MAML2: variants seen among roughly 807,000 people sequenced by gnomAD.
The protein encoded by MAML2 is mastermind like transcriptional coactivator 2.
Under a neutral mutation model 96.1 loss-of-function variants are expected in MAML2, and 22 were observed. The ratio of observed to expected loss-of-function variants is 0.23; its 90% CI spans 0.16 to 0.33. The LOEUF is 0.33. Ranked by LOEUF, MAML2 falls within the 10% of genes least tolerant of loss-of-function variation. The pLI is 1.00. For synonymous variants in MAML2, 561 were observed against 521.3 expected (o/e 1.08, Z -1.04); for missense variants, 1,367 against 1,392.4 (o/e 0.98, Z 0.29).
chr11:96,208,639 G>A (rs1447070079), intron 1 of MAML2, among the ~76,000 whole-genome samples: 1 of 152,090 alleles, frequency 6.6e-6, no homozygotes, highest in African/African-American at 2.4e-5. Context: ...ATTAATTCTG[G>A]TAATATGACA....
At chr11:96,144,374 T>G (rs1298690855) in intron 1 of MAML2, among the ~76,000 whole-genome samples, 1 of 152,228 alleles carries the variant, frequency 6.6e-6, no homozygotes, top group African/African-American at 2.4e-5. Context: ...TAGCTATGGT[T>G]AAATCTTCCA....
intron 1 of MAML2, among the ~76,000 whole-genome samples, chr11:96,229,849 A>C (rs1041229670): frequency 6.6e-6 from 1 of 152,060 alleles, no homozygotes; most frequent in African/African-American, 2.4e-5. Flanking sequence ...AAAATACCAG[A>C]CAGATATCAA....
chr11:96,166,177 T>TCTCTCTCA (rs530578845), intron 1 of MAML2, among the ~76,000 whole-genome samples: 12,534 of 109,920 alleles, frequency 0.11, 675 homozygotes, highest in Middle Eastern at 0.18. Context: ...TCTCTCTCTC[T>TCTCTCTCA]CACACACACA....
chr11:96,064,171 T>C (rs1387089124), intron 2 of MAML2, among the ~76,000 whole-genome samples: 2 of 152,090 alleles, frequency 1.3e-5, no homozygotes, highest in East Asian at 3.9e-4. Flanking sequence ...AATATAAAAT[T>C]AGGTCACAGC....
intron 2 of MAML2, among the ~76,000 whole-genome samples, chr11:95,998,210 T>C (rs1858028017): frequency 7.3e-6 from 1 of 137,142 alleles, no homozygotes; most frequent in Non-Finnish European, 1.6e-5. Context: ...TCCATCTACG[T>C]ACCCAACCTC....
intron 1 of MAML2, among the ~76,000 whole-genome samples, chr11:96,341,046 G>A (rs929008601): frequency 1.3e-5 from 2 of 152,270 alleles, no homozygotes; most frequent in East Asian, 1.9e-4. Context: ...AAAGCTGGAG[G>A]ATCCATGAGA....
At chr11:96,183,552 C>A (rs1861523926) in intron 1 of MAML2, among the ~76,000 whole-genome samples, 1 of 150,222 alleles carries the variant, frequency 6.7e-6, no homozygotes, top group Non-Finnish European at 1.5e-5. Flanking sequence ...CACATGCCAC[C>A]ACACCCAGCT....
At chr11:96,054,921 C>G (rs776050381) in intron 2 of MAML2, among the ~76,000 whole-genome samples, 1 of 152,148 alleles carries the variant, frequency 6.6e-6, no homozygotes, top group Non-Finnish European at 1.5e-5. Context: ...GGAGATTTCA[C>G]TCTACCTGGG....
At chr11:96,034,139 C>T (rs890995351) in intron 2 of MAML2, among the ~76,000 whole-genome samples, 4 of 152,140 alleles carry the variant, frequency 2.6e-5, no homozygotes, top group African/African-American at 9.7e-5. Flanking sequence ...TTATTGGATA[C>T]ATTTAATGAG....
intron 1 of MAML2, among the ~76,000 whole-genome samples, chr11:96,324,171 C>T (rs996714926): frequency 2.0e-5 from 3 of 152,192 alleles, no homozygotes; most frequent in Non-Finnish European, 1.5e-5. Context: ...GATTAGAAAC[C>T]TTGGCCCTGG....
chr11:96,076,873 C>T (rs1158824488), intron 2 of MAML2, among the ~76,000 whole-genome samples: 2 of 152,118 alleles, frequency 1.3e-5, no homozygotes, highest in Non-Finnish European at 2.9e-5. Flanking sequence ...TGGGACCTGA[C>T]CTTTGGGCCT....
At chr11:96,216,578 T>C (rs1862052689) in intron 1 of MAML2, among the ~76,000 whole-genome samples, 1 of 152,132 alleles carries the variant, frequency 6.6e-6, no homozygotes, top group Non-Finnish European at 1.5e-5. Context: ...TGCCCCAGAG[T>C]GTCCAGGCCA....
chr11:96,131,427 G>C (rs1412538095), intron 1 of MAML2, among the ~76,000 whole-genome samples: 1 of 152,166 alleles, frequency 6.6e-6, no homozygotes, highest in Non-Finnish European at 1.5e-5. Context: ...AAACCAAGTA[G>C]AGCTGACATA....
intron 1 of MAML2, among the ~76,000 whole-genome samples, chr11:96,213,404 A>G (rs554521): frequency 0.86 from 130,488 of 152,206 alleles, 56,273 homozygotes; most frequent in African/African-American, 0.94. Flanking sequence ...TCTTTTAAAG[A>G]CCAGTAATTA....
intron 2 of MAML2, among the ~76,000 whole-genome samples, chr11:96,002,502 C>G (rs956216393): frequency 6.6e-6 from 1 of 151,760 alleles, no homozygotes; most frequent in East Asian, 1.9e-4. Flanking sequence ...TGATGGAGAT[C>G]ATGATGACAA....
intron 1 of MAML2, among the ~76,000 whole-genome samples, chr11:96,109,297 T>C (rs1170957827): frequency 6.6e-6 from 1 of 152,152 alleles, no homozygotes; most frequent in African/African-American, 2.4e-5. Flanking sequence ...TTTGACGCCA[T>C]GCAGAGGAAC....
intron 1 of MAML2, among the ~76,000 whole-genome samples, chr11:96,237,137 G>T (rs952943812): frequency 2.6e-5 from 4 of 152,146 alleles, no homozygotes; most frequent in Non-Finnish European, 4.4e-5. Context: ...TTGTAGCTAT[G>T]GTTCTCCCTT....
At chr11:96,255,966 C>A (rs954787861) in intron 1 of MAML2, among the ~76,000 whole-genome samples, 3 of 148,620 alleles carry the variant, frequency 2.0e-5, no homozygotes, top group African/African-American at 7.4e-5. Flanking sequence ...CTCTGCCTCC[C>A]GGGTTCAAGC....
intron 1 of MAML2, among the ~76,000 whole-genome samples, chr11:96,149,434 G>GAAA (rs1860883098): frequency 3.6e-5 from 1 of 27,504 alleles, no homozygotes. Flanking sequence ...AAAAAAAAAT[G>GAAA]AGAAGTTAAG....
Sources: gnomAD v4.1 joint callset for allele counts (sites outside exome capture counted in the v4.1 genomes callset) on GRCh38, gnomAD v4.1.1 for gene constraint, MANE v1.5 for transcripts, NCBI Gene and HGNC (gene_info 2026-07-23, HGNC 2026-07-21) for gene names.